TUB: variants seen among roughly 807,000 people sequenced by gnomAD.
TUB encodes TUB bipartite transcription factor.
A neutral mutation model predicts 59.7 loss-of-function variants in TUB; 33 were observed. That is an observed-to-expected ratio of 0.55 (90% CI 0.42 to 0.74). The LOEUF is 0.74. TUB is among the 30% of genes least tolerant of loss of function. TUB has a pLI of 0.00. For synonymous variants in TUB, 293 were observed against 256.4 expected (o/e 1.14, Z -1.36); for missense variants, 659 against 672.0 (o/e 0.98, Z 0.21).
chr11:8,101,835 GATGAGAAT>G lies in TUB; in HGVS notation c.*218_*225del. 1 of 696,594 alleles carries G rather than the reference GATGAGAAT, an allele frequency of 1.4e-6. No individual in the cohort carries two copies. Among genetic ancestry groups the G allele is most frequent in the Non-Finnish European group, 2.3e-6 (1 of 436,776 alleles). The allele number at this position is 696,594 out of a possible 1,614,324, so 43.2% of individuals were successfully genotyped here. On this transcript the variant is annotated 3_prime_UTR_variant, in exon 12 of 12. Transcript: ENST00000299506. ...GAGAGCGGGTGGGTGGGTGTGAAGG[GATGAGAAT>G]AATTCTTTCCATGCCACGAGATCAA...
At position 8,101,786 on chromosome 11, in the gene TUB, T is replaced by C; in HGVS notation, c.*167T>C. ...AGCCAGGAACTGGCTCCTTTGCCTC[T>C]GCTACTGAGGCAGGGGAGTAGTGGA... is the stretch of plus-strand genomic sequence containing the variant. On this transcript the variant is annotated 3_prime_UTR_variant, in exon 12 of 12. Coordinates refer to ENST00000299506, the MANE Select transcript of TUB (RefSeq NM_177972.3). 1 of 1,193,474 alleles carries C rather than the reference T, an allele frequency of 8.4e-7. No individual in the cohort carries two copies. Among genetic ancestry groups the C allele is most frequent in the Non-Finnish European group, 1.1e-6 (1 of 885,466 alleles). 73.9% of individuals were successfully genotyped at this position (1,193,474 alleles called of 1,614,324 possible).
In TUB at chr11:8,097,014, G is replaced by A. The variant is rs1222070964; in HGVS notation, c.687+208G>A. On this transcript the variant is annotated intron_variant, in intron 6 of 11. Transcript: ENST00000299506. The stretch of plus-strand genomic sequence containing the variant: ...GCAGTTGGACAGGATGACCTCTGAG[G>A]ACCTCCCGTATCTCCCATCTCCACC... 2.6e-5 allele frequency among the ~76,000 whole-genome samples: 4 copies of A among 152,110 alleles called. 1 individual carries two copies. The highest frequency in any genetic ancestry group is 5.9e-5 in the Non-Finnish European group (4 of 68,002).
At position 8,100,796 on chromosome 11, in the gene TUB, G is replaced by A. The variant is rs199767448; in HGVS notation, c.1216-30G>A. On this transcript the variant is annotated intron_variant, in intron 10 of 11. Coordinates refer to ENST00000299506, the MANE Select transcript of TUB (RefSeq NM_177972.3). ...GGGTGGTCATGGTGCCAAAGGCCTG[G>A]GCCTGGCTCAGGTGAGGCTGCCCTC... 1.4e-4 allele frequency: 227 copies of A among 1,611,456 alleles called. No homozygotes were observed. In the African/African-American group the frequency reaches 2.5e-3, roughly 18 times the overall value.
intron 2 of TUB, among the ~76,000 whole-genome samples, chr11:8,040,477 G>T (rs180851903): frequency 6.6e-6 from 1 of 152,284 alleles, no homozygotes; most frequent in Admixed American, 6.5e-5. Context: ...ATGGATGTCA[G>T]TCCCGGGTTT....
At chr11:8,051,140 A>AT (rs1429545347) in intron 2 of TUB, among the ~76,000 whole-genome samples, 1 of 152,118 alleles carries the variant, frequency 6.6e-6, no homozygotes, top group Non-Finnish European at 1.5e-5. Flanking sequence ...TGAAAAAAAA[A>AT]TGGGCTTAAA....
intron 2 of TUB, among the ~76,000 whole-genome samples, chr11:8,049,887 TATG>T (rs1942906939): frequency 1.3e-5 from 2 of 152,118 alleles, no homozygotes; most frequent in African/African-American, 4.8e-5. Flanking sequence ...GTGGACAGCT[TATG>T]ATGAATTTGC....
intron 3 of TUB, among the ~76,000 whole-genome samples, chr11:8,091,008 A>G (rs1478551198): frequency 6.6e-6 from 1 of 152,014 alleles, no homozygotes; most frequent in East Asian, 1.9e-4. Context: ...TCAAATAGTA[A>G]TTCTAAAAAG....
chr11:8,098,888 T>A lies in TUB; in HGVS notation c.1116+13T>A, dbSNP rs759354375. ...AGCTGTGTGCTACGTGAGTCCTAGG[T>A]TCGGGGGTCTCTGATTTCCAAGGTA... On this transcript the variant is annotated intron_variant, in intron 9 of 11. Transcript: ENST00000299506. The A allele has an allele frequency of 6.3e-7, 1 of 1,578,952 alleles. No homozygotes were observed. Among genetic ancestry groups the A allele is most frequent in the African/African-American group, 1.3e-5 (1 of 74,106 alleles).
chr11:8,100,803 C>T (rs765676162), intron 10 of TUB, 23 bp from the exon 11 acceptor site: 50 of 1,612,082 alleles, frequency 3.1e-5, no homozygotes, highest in African/African-American at 6.7e-5. Flanking sequence ...CTGGGCCTGG[C>T]TCAGGTGAGG....
intron 2 of TUB, among the ~76,000 whole-genome samples, chr11:8,047,173 C>G (rs1467412579): frequency 6.6e-6 from 1 of 152,166 alleles, no homozygotes; most frequent in African/African-American, 2.4e-5. Flanking sequence ...CCCCCAAACT[C>G]ATGTACTCTT....
chr11:8,068,456 T>C (rs1943291146), intron 2 of TUB: 1 of 152,392 alleles, frequency 6.6e-6, no homozygotes, highest in Non-Finnish European at 1.5e-5. Context: ...CAATTTTCCA[T>C]TGTTTACAGG....
chr11:8,041,228 C>T (rs1204319235), intron 2 of TUB, among the ~76,000 whole-genome samples: 5 of 152,142 alleles, frequency 3.3e-5, no homozygotes, highest in East Asian at 1.9e-4. Context: ...CTCTACTTCA[C>T]GTTGAATGGC....
chr11:8,075,578 G>A (rs148271495), intron 2 of TUB: 1 of 152,298 alleles, frequency 6.6e-6, no homozygotes, highest in East Asian at 1.9e-4. Flanking sequence ...GTCTCCCACA[G>A]TCTCTTTAAA....
At chr11:8,075,493 G>T (rs1359952585) in intron 2 of TUB, 1 of 152,238 alleles carries the variant, frequency 6.6e-6, no homozygotes, top group East Asian at 1.9e-4. Context: ...AATGGGAGAA[G>T]TGATGTGTAA....
intron 2 of TUB, among the ~76,000 whole-genome samples, chr11:8,074,195 G>T (rs1407220635): frequency 6.6e-6 from 1 of 151,952 alleles, no homozygotes; most frequent in Non-Finnish European, 1.5e-5. Context: ...ACTGTTCAGG[G>T]ATCACTAGGA....
chr11:8,035,748 C>A (rs1388438152), upstream of TUB: 2 of 152,328 alleles, frequency 1.3e-5, no homozygotes, highest in Non-Finnish European at 2.9e-5. Flanking sequence ...AGCAGGCACG[C>A]CTGACAGCGT....
chr11:8,081,325 C>T lies in TUB; in HGVS notation c.-186C>T, dbSNP rs958117379. ...TCGCCCATCTCGCCTCGCCGCGCCG[C>T]GCAGGCAGCCGCTCGCAGAGCCAGC... On this transcript the variant is annotated 5_prime_UTR_variant, in exon 1 of 12. Coordinates refer to ENST00000299506, the MANE Select transcript of TUB (RefSeq NM_177972.3). 3 of 972,766 alleles carry T rather than the reference C, an allele frequency of 3.1e-6. No homozygotes were observed. The highest frequency in any genetic ancestry group is 3.7e-6 in the Non-Finnish European group (3 of 818,984). 60.3% of individuals were successfully genotyped at this position (972,766 alleles called of 1,614,324 possible). A position where few individuals can be genotyped will look rare whatever the true frequency, so the allele number is the denominator to read the frequency against.
At position 8,104,317 on chromosome 11, in the gene TUB, C is replaced by T. The variant is rs1227123592; in HGVS notation, c.*2698C>T. The T allele has an allele frequency of 1.3e-5, 2 of 152,210 alleles. No homozygotes were observed. Among genetic ancestry groups the T allele is most frequent in the African/African-American group, 4.8e-5 (2 of 41,444 alleles). The allele number at this position is 152,210 out of a possible 1,614,324, so 9.4% of individuals were successfully genotyped here. A position where few individuals can be genotyped will look rare whatever the true frequency, so the allele number is the denominator to read the frequency against. Reference sequence around the variant, plus strand: ...TGGGGCCACACCCCAAAACTCTACACCCTCTGCCCCAGAACAATTCTGCAG... The same window carrying T: ...TGGGGCCACACCCCAAAACTCTACATCCTCTGCCCCAGAACAATTCTGCAG... On this transcript the variant is annotated 3_prime_UTR_variant, in exon 12 of 12. Transcript: ENST00000299506.
At chr11:8,051,959 G>A (rs1344656946) in intron 2 of TUB, among the ~76,000 whole-genome samples, 2 of 152,156 alleles carry the variant, frequency 1.3e-5, no homozygotes, top group Admixed American at 6.5e-5. Flanking sequence ...ATTTTGAAAG[G>A]CCATCTTTAT....
Sources: allele counts gnomAD v4.1 joint callset (sites outside exome capture counted in the v4.1 genomes callset), GRCh38; gene constraint gnomAD v4.1.1; transcripts MANE v1.5; gene names NCBI Gene and HGNC (gene_info 2026-07-23, HGNC 2026-07-21).